CBLN2: variants seen among roughly 807,000 people sequenced by gnomAD.
CBLN2 encodes cerebellin-2.
In CBLN2, 7 loss-of-function variants were observed where a neutral mutation model predicts 15.0. That is an observed-to-expected ratio of 0.47 (90% CI 0.27 to 0.88). The LOEUF is 0.88. CBLN2 is among the 40% of genes least tolerant of loss of function. The pLI is 0.14. For missense variants in CBLN2, 242 were observed against 304.5 expected (o/e 0.79, Z 1.53); for synonymous variants, 149 against 135.2 (o/e 1.10, Z -0.71).
upstream of CBLN2, chr18:72,544,646 G>C (rs1486668132): frequency 1.3e-5 from 2 of 152,024 alleles, no homozygotes; most frequent in African/African-American, 2.4e-5. Context: ...AATAATGATA[G>C]CAACCACAAG....
upstream of CBLN2, among the ~76,000 whole-genome samples, chr18:72,545,257 T>C (rs1179349568): frequency 6.6e-6 from 1 of 152,224 alleles, no homozygotes; most frequent in East Asian, 1.9e-4. Context: ...TCAACTGGAA[T>C]GGATATGCAG....
chr18:72,538,666 CTGTT>C lies in CBLN2; in HGVS notation c.460_463del (p.Asn154AspfsTer8). ...AAATCTACCCACCTGGATGGTTTGT[CTGTT>C]ATACACTTTGACCACGTGGAAGCTG... On this transcript the variant is annotated frameshift_variant, in exon 4 of 5. Coordinates refer to ENST00000269503, the MANE Select transcript of CBLN2 (RefSeq NM_182511.4). LOFTEE classifies it high-confidence loss of function. 6.2e-7 allele frequency: 1 copy of C among 1,613,950 alleles called. No homozygotes were observed. The highest frequency in any genetic ancestry group is 8.5e-7 in the Non-Finnish European group (1 of 1,179,964).
At chr18:72,598,634 G>T (rs934279538) in intron 1 of CBLN2, among the ~76,000 whole-genome samples, 14 of 152,216 alleles carry the variant, frequency 9.2e-5, no homozygotes, top group Admixed American at 9.2e-4. Context: ...TCATCTAGGA[G>T]TTGTAGTCCT....
intron 1 of CBLN2, among the ~76,000 whole-genome samples, chr18:72,587,711 T>G (rs1432386418): frequency 6.6e-6 from 1 of 152,176 alleles, no homozygotes; most frequent in Non-Finnish European, 1.5e-5. Context: ...TATGTAGAAC[T>G]GATAATAACT....
chr18:72,570,093 A>C (rs1470430945), intron 1 of CBLN2, among the ~76,000 whole-genome samples: 1 of 152,218 alleles, frequency 6.6e-6, no homozygotes. Flanking sequence ...TTATGAAGTC[A>C]CTGTGAACAT....
chr18:72,608,228 A>G (rs2069596908), intron 1 of CBLN2, among the ~76,000 whole-genome samples: 1 of 152,170 alleles, frequency 6.6e-6, no homozygotes, highest in African/African-American at 2.4e-5. Context: ...TTTCCTTCAT[A>G]GCTTTTGAAA....
intron 1 of CBLN2, among the ~76,000 whole-genome samples, chr18:72,584,415 G>A (rs1047523423): frequency 1.3e-5 from 2 of 151,782 alleles, no homozygotes; most frequent in Non-Finnish European, 2.9e-5. Context: ...AGGTTCAAGC[G>A]ATTCTCCAGC....
Position 72,599,397 on chromosome 18 carries a change from T to C in CBLN2, c.15+38928A>G, listed in dbSNP as rs182416924. On this transcript the variant is annotated intron_variant, in intron 1 of 2. Transcript: ENST00000581073. ...GGATGTACCCATATTTGTCCATGAT[T>C]TTACTAATGCAAAGGACTCTAGGAT... is the stretch of plus-strand genomic sequence containing the variant. 2.3e-3 allele frequency among the ~76,000 whole-genome samples: 356 copies of C among 152,300 alleles called. 2 individuals are homozygous for C. Among genetic ancestry groups the C allele is most frequent in the African/African-American group, 8.1e-3 (337 of 41,580 alleles).
At chr18:72,591,319 A>G (rs1343801831) in intron 1 of CBLN2, among the ~76,000 whole-genome samples, 1 of 152,186 alleles carries the variant, frequency 6.6e-6, no homozygotes, top group Admixed American at 6.5e-5. Context: ...ATCTATCAGA[A>G]TCTTTATCAA....
intron 1 of CBLN2, among the ~76,000 whole-genome samples, chr18:72,619,454 C>T (rs2069685044): frequency 6.6e-6 from 1 of 152,288 alleles, no homozygotes; most frequent in Non-Finnish European, 1.5e-5. Context: ...GTGGAAAGTA[C>T]AAAGCATTCC....
intron 1 of CBLN2, among the ~76,000 whole-genome samples, chr18:72,576,663 T>G (rs1051795922): frequency 6.6e-6 from 1 of 152,098 alleles, no homozygotes; most frequent in African/African-American, 2.4e-5. Context: ...TTATTTAGTA[T>G]CTATTCTGTG....
intron 2 of CBLN2, among the ~76,000 whole-genome samples, 195 bp from the exon 3 acceptor site, chr18:72,542,521 C>A (rs1429258422): frequency 1.1e-4 from 16 of 151,628 alleles, no homozygotes; most frequent in Non-Finnish European, 8.8e-5. Flanking sequence ...CAGCGCATCC[C>A]TGAAGGCTCC....
intron 3 of CBLN2, 199 bp from the exon 4 acceptor site, chr18:72,538,971 G>A: frequency 1.1e-5 from 6 of 527,010 alleles, no homozygotes; most frequent in East Asian, 6.0e-5. Flanking sequence ...TAATCTCAAA[G>A]GTATTTTAAT....
chr18:72,590,036 G>A (rs2069469437), intron 1 of CBLN2, among the ~76,000 whole-genome samples: 1 of 152,184 alleles, frequency 6.6e-6, no homozygotes, highest in Non-Finnish European at 1.5e-5. Context: ...GGGAGGCCGA[G>A]GCGGGCAGAT....
chr18:72,583,172 G>A (rs1046086435), intron 1 of CBLN2, among the ~76,000 whole-genome samples: 2 of 152,142 alleles, frequency 1.3e-5, no homozygotes, highest in Admixed American at 6.5e-5. Flanking sequence ...TGCCTGGCAG[G>A]CAAGTTTCTC....
At chr18:72,615,163 A>G (rs1599024164) in intron 1 of CBLN2, among the ~76,000 whole-genome samples, 2 of 131,070 alleles carry the variant, frequency 1.5e-5, no homozygotes, top group Non-Finnish European at 3.3e-5. Context: ...TAGAAAATAT[A>G]TATAAATATA....
At chr18:72,608,994 A>G (rs1030782472) in intron 1 of CBLN2, among the ~76,000 whole-genome samples, 5 of 152,164 alleles carry the variant, frequency 3.3e-5, no homozygotes, top group Non-Finnish European at 7.3e-5. Context: ...ATCCATCTCC[A>G]CGATTCAATT....
chr18:72,579,311 G>A (rs566998853), intron 1 of CBLN2, among the ~76,000 whole-genome samples: 9 of 152,000 alleles, frequency 5.9e-5, no homozygotes, highest in Non-Finnish European at 1.0e-4. Flanking sequence ...TATATAACTC[G>A]CCATAATTAA....
At chr18:72,618,324 G>A in intron 1 of CBLN2, 1 of 455,276 alleles carries the variant, frequency 2.2e-6, no homozygotes, top group South Asian at 2.1e-5. Context: ...CTTCATTGGA[G>A]GGTTGAGCTC....
Sources: allele counts gnomAD v4.1 joint callset (sites outside exome capture counted in the v4.1 genomes callset), GRCh38; gene constraint gnomAD v4.1.1; transcripts MANE v1.5; gene names NCBI Gene and HGNC (gene_info 2026-07-23, HGNC 2026-07-21).